PPP4R2: variants seen among roughly 807,000 people sequenced by gnomAD.
The protein encoded by PPP4R2 is protein phosphatase 4 regulatory subunit 2, also known as serine/threonine-protein phosphatase 4 regulatory subunit 2.
A neutral mutation model predicts 47.2 loss-of-function variants in PPP4R2; 13 were observed. That is an observed-to-expected ratio of 0.28 (90% CI 0.18 to 0.44). PPP4R2 has a LOEUF of 0.44. PPP4R2 is among the 20% of genes least tolerant of loss of function. The probability of loss-of-function intolerance (pLI) is 1.00; values close to 1 mark genes in which losing one functional copy is unlikely to be tolerated. For synonymous variants in PPP4R2, 151 were observed against 163.3 expected, an observed-to-expected ratio of 0.92 and a Z score of 0.57; for missense variants, 421 against 491.2, an observed-to-expected ratio of 0.86 and a Z score of 1.35.
At chr3:73,037,776 A>G (rs113439718) in intron 2 of PPP4R2, among the ~76,000 whole-genome samples, 66 of 152,152 alleles carry the variant, frequency 4.3e-4, no homozygotes, top group African/African-American at 1.5e-3. Flanking sequence ...TTGAGCCCTA[A>G]ACCTACACTG....
intron 2 of PPP4R2, among the ~76,000 whole-genome samples, chr3:73,030,277 T>C (rs192353136): frequency 6.6e-6 from 1 of 152,224 alleles, no homozygotes; most frequent in African/African-American, 2.4e-5. Flanking sequence ...GACCAGAGCA[T>C]GGATAGTTCC....
rs1354387748 is a variant in PPP4R2, at chr3:73,068,701, T to A, written c.*2979T>A. On this transcript the variant is annotated 3_prime_UTR_variant, in exon 9 of 9. Transcript: ENST00000356692. Reference sequence around the variant, plus strand: ...TGTTTTGCCGGTGTAGATAGGCATGTATTTATGCATTTTTGCATTTGTAAA... The same window carrying A: ...TGTTTTGCCGGTGTAGATAGGCATGAATTTATGCATTTTTGCATTTGTAAA... 3.3e-5 allele frequency: 5 copies of A among 152,118 alleles called. No homozygotes were observed. Among genetic ancestry groups the A allele is most frequent in the Non-Finnish European group, 5.9e-5 (4 of 68,016 alleles). 9.4% of individuals were successfully genotyped at this position (152,118 alleles called of 1,614,324 possible).
chr3:73,007,929 TTA>T, intron 2 of PPP4R2, among the ~76,000 whole-genome samples: 2 of 58,348 alleles, frequency 3.4e-5, no homozygotes, highest in Admixed American at 2.7e-4. Context: ...ATCTGTACAA[TTA>T]CTTCTTTAAT....
chr3:73,052,009 C>CT (rs1702623826), intron 3 of PPP4R2, among the ~76,000 whole-genome samples: 1 of 152,082 alleles, frequency 6.6e-6, no homozygotes, highest in Admixed American at 6.6e-5. Context: ...TTCTGGAGAG[C>CT]TGGGGTAACA....
intron 1 of PPP4R2, chr3:72,997,348 G>C: frequency 2.7e-6 from 1 of 374,550 alleles, no homozygotes; most frequent in Non-Finnish European, 4.8e-6. Flanking sequence ...ACCCGTTCAG[G>C]GGACGAGTGG....
chr3:73,039,565 G>T (rs1213449013), intron 2 of PPP4R2, among the ~76,000 whole-genome samples: 1 of 152,186 alleles, frequency 6.6e-6, no homozygotes, highest in African/African-American at 2.4e-5. Flanking sequence ...TGGGGAATGG[G>T]CCCATGGTTC....
In PPP4R2 at chr3:73,019,734, A is replaced by AT. The variant is rs1226322304; in HGVS notation, c.116+21577dup. ...AGAAATTATTATTGGGATTGGAGTC[A>AT]TGAGTGTGAGTGGGTGAAAGTGTAT... is the stretch of plus-strand genomic sequence containing the variant. On this transcript the variant is annotated intron_variant, in intron 2 of 8. Transcript: ENST00000356692. 2.0e-5 allele frequency among the ~76,000 whole-genome samples: 3 copies of AT among 152,176 alleles called. No individual in the cohort carries two copies. In the East Asian group the frequency reaches 5.8e-4, roughly 29 times the overall value.
In PPP4R2 at chr3:73,068,336, A is replaced by G. The variant is rs550437456; in HGVS notation, c.*2614A>G. The G allele has an allele frequency of 6.6e-5, 10 of 152,240 alleles. No homozygotes were observed. The East Asian group carries it at 1.9e-3, about 29-fold the overall frequency. 9.4% of individuals were successfully genotyped at this position (152,240 alleles called of 1,614,324 possible). ...TCTCTAGACTATAACCCAACATGTA[A>G]AAAAAATTTGAAGATGGTGATGAGG... On this transcript the variant is annotated 3_prime_UTR_variant, in exon 9 of 9. Transcript: ENST00000356692.
intron 3 of PPP4R2, among the ~76,000 whole-genome samples, chr3:73,055,689 C>G (rs1218516737): frequency 6.9e-6 from 1 of 144,958 alleles, no homozygotes; most frequent in Admixed American, 7.0e-5. Context: ...TGGAGACAGT[C>G]TCACTCTTAT....
intron 3 of PPP4R2, among the ~76,000 whole-genome samples, chr3:73,052,241 C>CTTTTTTTTTTTTTTT (rs71845467): frequency 2.2e-5 from 3 of 137,722 alleles, no homozygotes; most frequent in African/African-American, 2.8e-5. Flanking sequence ...TAATTTCTTT[C>CTTTTTTTTTTTTTTT]TTTTCTTTTT....
At chr3:72,997,976 T>C in intron 1 of PPP4R2, 101 bp from the exon 2 acceptor site, 1 of 811,216 alleles carries the variant, frequency 1.2e-6, no homozygotes, top group Non-Finnish European at 2.1e-6. Flanking sequence ...TTTAATTTTG[T>C]ATTTAATTGA....
At chr3:73,063,799 A>G in intron 6 of PPP4R2, 52 bp downstream of exon 6, 1 of 1,294,762 alleles carries the variant, frequency 7.7e-7, no homozygotes, top group Non-Finnish European at 1.1e-6. Context: ...CCTGATTTTG[A>G]GTAGCAGGCT....
rs1559574247 is a variant in PPP4R2, at chr3:73,067,670, CT to C, written c.*1952del. On this transcript the variant is annotated 3_prime_UTR_variant, in exon 9 of 9. Transcript: ENST00000356692. ...GTAAACTTACCTAAGATCCTGTGAC[CT>C]TTTGATATTTTTTATTTTAATTGTA... 6.6e-6 allele frequency: 1 copy of C among 151,856 alleles called. No individual in the cohort carries two copies. The highest frequency in any genetic ancestry group is 1.5e-5 in the Non-Finnish European group (1 of 67,936). The allele number at this position is 151,856 out of a possible 1,614,324, so 9.4% of individuals were successfully genotyped here.
intron 2 of PPP4R2, among the ~76,000 whole-genome samples, chr3:73,002,983 T>C (rs1260010057): frequency 6.6e-6 from 1 of 152,064 alleles, no homozygotes; most frequent in African/African-American, 2.4e-5. Flanking sequence ...ATCCTGGTTC[T>C]CTCAAGAACA....
At position 73,067,307 on chromosome 3, in the gene PPP4R2, T is replaced by C. The variant is rs1703017078; in HGVS notation, c.*1585T>C. ...GATGCAAACAGTTTCTGACACTGTA[T>C]AATATGCTTTTGGGTGATTTGGGGG... On this transcript the variant is annotated 3_prime_UTR_variant, in exon 9 of 9. Coordinates refer to ENST00000356692, the MANE Select transcript of PPP4R2 (RefSeq NM_174907.4). 6.6e-6 allele frequency: 1 copy of C among 152,110 alleles called. No individual in the cohort carries two copies. The highest frequency in any genetic ancestry group is 1.5e-5 in the Non-Finnish European group (1 of 67,972). The allele number at this position is 152,110 out of a possible 1,614,324, so 9.4% of individuals were successfully genotyped here.
chr3:73,064,146 G>A lies in PPP4R2; in HGVS notation c.638G>A (p.Ser213Asn). The change falls in exon 7 of 9, where the codon AGT (serine) becomes AAT (asparagine). Residue 213 changes from serine (S) to asparagine (N), a missense_variant and splice_region_variant. Transcript: ENST00000356692. ...CAGCAAAATGAGGAGAAAAATCACA[G>A]GTTTGTATGTTTTATATTTAAAAAC... ...NLQQNEEKNH[S>N]DSSTSESEVS... The A allele has an allele frequency of 1.9e-6, 3 of 1,603,068 alleles. No individual in the cohort carries two copies. The highest frequency in any genetic ancestry group is 2.5e-6 in the Non-Finnish European group (3 of 1,177,008).
rs888171353 is a variant in PPP4R2 at position 72,996,898 on chromosome 3, C to G, written c.-140C>G. On this transcript the variant is annotated 5_prime_UTR_variant, in exon 1 of 9. Coordinates refer to ENST00000356692, the MANE Select transcript of PPP4R2 (RefSeq NM_174907.4). ...TCTCTCGCACGCTTCCCCCGGCTCC[C>G]TTCGTTTCCCCCCCCCGGTCGCCTG... The G allele has an allele frequency of 7.8e-6, 4 of 510,856 alleles. No homozygotes were observed. Among genetic ancestry groups the G allele is most frequent in the Admixed American group, 4.4e-5 (1 of 22,892 alleles). 31.6% of individuals were successfully genotyped at this position (510,856 alleles called of 1,614,324 possible). A position where few individuals can be genotyped will look rare whatever the true frequency, so the allele number is the denominator to read the frequency against.
chr3:73,017,173 C>T (rs1347417929), intron 2 of PPP4R2, among the ~76,000 whole-genome samples: 3 of 152,126 alleles, frequency 2.0e-5, no homozygotes, highest in Admixed American at 6.6e-5. Flanking sequence ...ACCACCTCAG[C>T]CTCACAAAGT....
Position 72,997,075 on chromosome 3 carries a change from G to C in PPP4R2, c.34+4G>C, listed in dbSNP as rs540220878. 5.0e-6 allele frequency: 7 copies of C among 1,397,508 alleles called. No homozygotes were observed. Among genetic ancestry groups the C allele is most frequent in the East Asian group, 6.1e-5 (2 of 32,992 alleles). 86.6% of individuals were successfully genotyped at this position (1,397,508 alleles called of 1,614,324 possible). A position where few individuals can be genotyped will look rare whatever the true frequency, so the allele number is the denominator to read the frequency against. On this transcript the variant is annotated splice_donor_region_variant and intron_variant, in intron 1 of 8. Coordinates refer to ENST00000356692, the MANE Select transcript of PPP4R2 (RefSeq NM_174907.4). Reference sequence around the variant, plus strand: ...AGGCTCCAGGAGGCGCTGAAAGGTGGGGGTAGCTGCCCCCTCTCCATTCCC... The same window carrying C: ...AGGCTCCAGGAGGCGCTGAAAGGTGCGGGTAGCTGCCCCCTCTCCATTCCC...
Sources: gnomAD v4.1 joint callset for allele counts (sites outside exome capture counted in the v4.1 genomes callset) on GRCh38, gnomAD v4.1.1 for gene constraint, MANE v1.5 for transcripts, NCBI Gene and HGNC (gene_info 2026-07-23, HGNC 2026-07-21) for gene names.